The following ARL8B variants were observed in gnomAD, a reference collection of about 807,000 sequenced individuals.
ARL8B encodes the protein ADP-ribosylation factor-like protein 8B.
Under a neutral mutation model 30.6 loss-of-function variants are expected in ARL8B, and 9 were observed. The ratio of observed to expected loss-of-function variants is 0.29; its 90% CI spans 0.18 to 0.51. The LOEUF (loss-of-function observed/expected upper bound fraction) is 0.51, where lower values mean the gene tolerates loss of function less well. Ranked by LOEUF, ARL8B falls within the 20% of genes least tolerant of loss-of-function variation. The pLI, the probability that ARL8B is intolerant of heterozygous loss-of-function variation, is 0.97. For synonymous variants in ARL8B, 74 were observed against 76.0 expected (o/e 0.97, Z 0.14); for missense variants, 130 against 227.2 (o/e 0.57, Z 2.75).
chr3:5,128,953 G>T (rs1412489068), intron 1 of ARL8B, among the ~76,000 whole-genome samples: 6 of 152,030 alleles, frequency 3.9e-5, no homozygotes, highest in African/African-American at 1.4e-4. Flanking sequence ...TTCCATTGTG[G>T]TATGTCTTGT....
At position 5,131,535 on chromosome 3, in the gene ARL8B, C is replaced by T. The variant is rs561850567; in HGVS notation, c.123+8947C>T. On this transcript the variant is annotated intron_variant, in intron 1 of 6. Coordinates refer to ENST00000256496, the MANE Select transcript of ARL8B (RefSeq NM_018184.3). Reference sequence around the variant, plus strand: ...CCTCCTGAGTAGCTAGGGTTACAGGCGCACGCCACCATGGCCAGATAATTT... The same window carrying T: ...CCTCCTGAGTAGCTAGGGTTACAGGTGCACGCCACCATGGCCAGATAATTT... 2.0e-5 allele frequency among the ~76,000 whole-genome samples: 3 copies of T among 151,986 alleles called. 1 individual carries two copies. The highest frequency in any genetic ancestry group is 7.2e-5 in the African/African-American group (3 of 41,446).
chr3:5,132,521 G>C (rs1354374749), intron 1 of ARL8B, among the ~76,000 whole-genome samples: 2 of 152,184 alleles, frequency 1.3e-5, no homozygotes, highest in Non-Finnish European at 2.9e-5. Flanking sequence ...TTACAGGCGT[G>C]AGCCACTGCG....
At chr3:5,150,196 C>T (rs990601176) in intron 1 of ARL8B, among the ~76,000 whole-genome samples, 17 of 152,162 alleles carry the variant, frequency 1.1e-4, no homozygotes, top group Non-Finnish European at 2.2e-4. Context: ...GGCACGGTGG[C>T]TTACGCTTGT....
chr3:5,177,976 C>T (rs780738988), intron 6 of ARL8B, among the ~76,000 whole-genome samples: 4 of 152,158 alleles, frequency 2.6e-5, no homozygotes, highest in Non-Finnish European at 5.9e-5. Flanking sequence ...TGCATGTTAG[C>T]TGGGAAACTG....
intron 1 of ARL8B, among the ~76,000 whole-genome samples, chr3:5,156,648 T>G (rs2054535812): frequency 6.6e-6 from 1 of 152,234 alleles, no homozygotes; most frequent in African/African-American, 2.4e-5. Flanking sequence ...ACTCCTGACC[T>G]CAAGTGATCC....
intron 1 of ARL8B, among the ~76,000 whole-genome samples, chr3:5,135,098 C>T (rs2054313377): frequency 6.6e-6 from 1 of 152,166 alleles, no homozygotes; most frequent in African/African-American, 2.4e-5. Context: ...ATCTGCCCAC[C>T]TCAGCCTCCC....
intron 1 of ARL8B, among the ~76,000 whole-genome samples, chr3:5,144,986 G>C (rs1559279201): frequency 6.6e-6 from 1 of 152,158 alleles, no homozygotes; most frequent in Admixed American, 6.5e-5. Context: ...CTGGTTAAAA[G>C]CATATAATTC....
intron 1 of ARL8B, among the ~76,000 whole-genome samples, chr3:5,158,273 G>A (rs533155742): frequency 2.6e-5 from 4 of 152,138 alleles, no homozygotes; most frequent in South Asian, 2.1e-4. Context: ...TGTGAGCCAC[G>A]CGCCCAGCCT....
rs1340362503 is a variant in ARL8B at position 5,179,742 on chromosome 3, T to C, written c.*1029T>C. On this transcript the variant is annotated 3_prime_UTR_variant, in exon 7 of 7. Coordinates refer to ENST00000256496, the MANE Select transcript of ARL8B (RefSeq NM_018184.3). ...AATTTTTATTTTTCTCTCTTACTGA[T>C]GTAAGCTTTGGCACTCTTTTGACTG... The C allele has an allele frequency of 1.3e-5, 2 of 152,550 alleles. No individual in the cohort carries two copies. Among genetic ancestry groups the C allele is most frequent in the Non-Finnish European group, 2.9e-5 (2 of 68,036 alleles). 9.4% of individuals were successfully genotyped at this position (152,550 alleles called of 1,614,324 possible).
chr3:5,156,276 A>G (rs1035183594), intron 1 of ARL8B, among the ~76,000 whole-genome samples: 8 of 151,532 alleles, frequency 5.3e-5, no homozygotes, highest in African/African-American at 1.9e-4. Context: ...AATGGACCAT[A>G]CTTCCCTGTC....
chr3:5,122,463 A>G lies in ARL8B; in HGVS notation c.-3A>G. The G allele has an allele frequency of 6.2e-7, 1 of 1,612,960 alleles. No homozygotes were observed. The highest frequency in any genetic ancestry group is 2.2e-5 in the East Asian group (1 of 44,864). On this transcript the variant is annotated 5_prime_UTR_variant, in exon 1 of 7. Transcript: ENST00000256496. ...CCGTCCGTTCTCGCTCCCGGCCGCC[A>G]TCATGCTGGCGCTCATCTCCCGCCT...
intron 1 of ARL8B, among the ~76,000 whole-genome samples, chr3:5,147,818 C>G (rs2054442064): frequency 2.0e-5 from 3 of 151,514 alleles, no homozygotes; most frequent in Middle Eastern, 6.8e-3. Flanking sequence ...ACTGGGTCCT[C>G]CGGATCTAAT....
At chr3:5,140,703 T>C (rs1215573279) in intron 1 of ARL8B, among the ~76,000 whole-genome samples, 1 of 152,140 alleles carries the variant, frequency 6.6e-6, no homozygotes, top group Non-Finnish European at 1.5e-5. Context: ...TGCAGCCGTA[T>C]GTATGGAGCT....
intron 1 of ARL8B, among the ~76,000 whole-genome samples, chr3:5,138,209 C>T (rs1453652054): frequency 1.4e-5 from 2 of 147,204 alleles, no homozygotes; most frequent in Non-Finnish European, 3.0e-5. Flanking sequence ...TTTTTTTCAC[C>T]AGAGTAGAAG....
In ARL8B at chr3:5,178,784, T is replaced by C. The variant is rs1258721560; in HGVS notation, c.*71T>C. 6.2e-7 allele frequency: 1 copy of C among 1,606,306 alleles called. No individual in the cohort carries two copies. The highest frequency in any genetic ancestry group is 1.3e-5 in the African/African-American group (1 of 74,782). On this transcript the variant is annotated 3_prime_UTR_variant, in exon 7 of 7. Coordinates refer to ENST00000256496, the MANE Select transcript of ARL8B (RefSeq NM_018184.3). ...ATTATTGTCCGTTCCTCTGAAGTAA[T>C]TCCCAGAATACGGTCCTTCCTAAAC...
chr3:5,122,615 G>C (rs770128292), intron 1 of ARL8B, 27 bp downstream of exon 1: 3 of 1,581,224 alleles, frequency 1.9e-6, no homozygotes, highest in Non-Finnish European at 2.6e-6. Flanking sequence ...TCACTCGCCC[G>C]GGGCTCCGCA....
At chr3:5,155,171 G>A (rs2054520812) in intron 1 of ARL8B, among the ~76,000 whole-genome samples, 1 of 152,110 alleles carries the variant, frequency 6.6e-6, no homozygotes, top group African/African-American at 2.4e-5. Flanking sequence ...GGACGTTTTA[G>A]CTGAAAATAG....
At chr3:5,163,611 G>C (rs985352745) in intron 1 of ARL8B, among the ~76,000 whole-genome samples, 1 of 152,214 alleles carries the variant, frequency 6.6e-6, no homozygotes, top group African/African-American at 2.4e-5. Flanking sequence ...GCTCATGCCT[G>C]TAACCCCAGC....
rs772628027 is a variant in ARL8B at position 5,122,380 on chromosome 3, G to T, written c.-86G>T. On this transcript the variant is annotated 5_prime_UTR_variant, in exon 1 of 7. Transcript: ENST00000256496. ...CCGGGGCACCAAGGAGCCGTTGGAG[G>T]GTCCGGGCGGAGGCCCGCTCGTGTG... The T allele has an allele frequency of 6.3e-7, 1 of 1,589,778 alleles. No individual in the cohort carries two copies. Among genetic ancestry groups the T allele is most frequent in the Non-Finnish European group, 8.5e-7 (1 of 1,169,846 alleles).
Sources: gnomAD v4.1 joint callset for allele counts (sites outside exome capture counted in the v4.1 genomes callset) on GRCh38, gnomAD v4.1.1 for gene constraint, MANE v1.5 for transcripts, NCBI Gene and HGNC (gene_info 2026-07-23, HGNC 2026-07-21) for gene names.